Variants in SLAIN1 observed in about 807,000 individuals in gnomAD.
SLAIN1 encodes SLAIN family member 1, also known as SLAIN motif-containing protein 1.
A neutral mutation model predicts 55.4 loss-of-function variants in SLAIN1; 17 were observed. The ratio of observed to expected loss-of-function variants is 0.31; its 90% CI spans 0.21 to 0.46. The LOEUF (loss-of-function observed/expected upper bound fraction) is 0.46, where lower values mean the gene tolerates loss of function less well. Among genes scored for constraint, SLAIN1 ranks in the 20% least tolerant of loss-of-function variants. SLAIN1 has a pLI of 1.00. For synonymous variants in SLAIN1, 348 were observed against 337.4 expected, an observed-to-expected ratio of 1.03 and a Z score of -0.35; for missense variants, 682 against 785.1, an observed-to-expected ratio of 0.87 and a Z score of 1.57.
At chr13:77,717,882 A>G (rs1487932608) in intron 1 of SLAIN1, among the ~76,000 whole-genome samples, 1 of 152,180 alleles carries the variant, frequency 6.6e-6, no homozygotes, top group Non-Finnish European at 1.5e-5. Flanking sequence ...GGCATGAGAC[A>G]TTGAGAATAA....
chr13:77,751,702 T>C (rs1874223439), intron 4 of SLAIN1, among the ~76,000 whole-genome samples: 1 of 152,166 alleles, frequency 6.6e-6, no homozygotes, highest in Admixed American at 6.6e-5. Context: ...CTTGAAGCCC[T>C]CATCTGGGCT....
At chr13:77,737,573 G>T in intron 2 of SLAIN1, among the ~76,000 whole-genome samples, 1 of 152,042 alleles carries the variant, frequency 6.6e-6, no homozygotes, top group African/African-American at 2.4e-5. Context: ...TAGTCCAAAC[G>T]TTTGCCATTC....
At position 77,705,350 on chromosome 13, in the gene SLAIN1, TAAAG is replaced by T. The variant is rs753352708; in HGVS notation, c.626+6815_626+6818del. Among the ~76,000 whole-genome samples, 4 of 152,050 alleles carry T rather than the reference TAAAG, an allele frequency of 2.6e-5. No homozygotes were observed. The East Asian group carries it at 7.7e-4, about 29-fold the overall frequency. ...GGTTTGGAAGCAATTTAAGAAAAGT[TAAAG>T]AAAATTAGAGTGACATTCCAAATAG... On this transcript the variant is annotated intron_variant, in intron 1 of 6. Transcript: ENST00000418532.
Position 77,746,628 on chromosome 13 carries a change from G to A in SLAIN1, c.1031G>A (p.Ser344Asn). 1.9e-6 allele frequency: 3 copies of A among 1,613,720 alleles called. No homozygotes were observed. The South Asian group carries it at 3.3e-5, about 18-fold the overall frequency. Residue 344 changes from serine (S) to asparagine (N), a missense_variant, in exon 4 of 7, where the codon AGT (serine) becomes AAT (asparagine). Ser to Asn is a conservative substitution (Grantham distance 46). Transcript: ENST00000418532. ...TCSDQEYDQY[S>N]LEDEEEFDHL... ...AGTGATCAAGAATATGACCAATACA[G>A]TCTGGAGGATGAAGAGGAATTTGAT...
chr13:77,727,384 A>T (rs1213552454), intron 2 of SLAIN1, among the ~76,000 whole-genome samples: 5 of 149,378 alleles, frequency 3.3e-5, no homozygotes, highest in East Asian at 2.0e-4. Flanking sequence ...TAAGTACTGA[A>T]TTTTTTTTGT....
chr13:77,762,059 C>T (rs1025847249), intron 6 of SLAIN1, among the ~76,000 whole-genome samples: 2 of 152,034 alleles, frequency 1.3e-5, no homozygotes, highest in Non-Finnish European at 2.9e-5. Flanking sequence ...AATAGATGCT[C>T]AGATCAACAA....
At chr13:77,751,632 A>T (rs1144381) in intron 4 of SLAIN1, among the ~76,000 whole-genome samples, 61,473 of 151,986 alleles carry the variant, frequency 0.4, 13,267 homozygotes, top group African/African-American at 0.54. Flanking sequence ...GAGAGAGTTC[A>T]CCCCTGTGGT....
chr13:77,717,063 G>C (rs2091215055), intron 1 of SLAIN1, among the ~76,000 whole-genome samples: 1 of 151,948 alleles, frequency 6.6e-6, no homozygotes, highest in Non-Finnish European at 1.5e-5. Flanking sequence ...TATCAGGAGT[G>C]GATGTCAAAT....
At chr13:77,756,812 C>T (rs1676221679) in intron 5 of SLAIN1, among the ~76,000 whole-genome samples, 1 of 152,000 alleles carries the variant, frequency 6.6e-6, no homozygotes, top group Non-Finnish European at 1.5e-5. Flanking sequence ...AAGTCTATTC[C>T]TAGGAAGCTC....
At chr13:77,711,849 C>A (rs2091154470) in intron 1 of SLAIN1, among the ~76,000 whole-genome samples, 1 of 152,144 alleles carries the variant, frequency 6.6e-6, no homozygotes, top group Admixed American at 6.5e-5. Context: ...AAATCGAATC[C>A]AACAGCACAT....
intron 4 of SLAIN1, among the ~76,000 whole-genome samples, chr13:77,752,313 C>T (rs1874283391): frequency 1.5e-5 from 2 of 131,412 alleles, no homozygotes; most frequent in African/African-American, 2.9e-5. Context: ...TTTTAAGAAG[C>T]ATGTAACTTA....
chr13:77,750,301 G>C (rs1874120120), intron 4 of SLAIN1, among the ~76,000 whole-genome samples: 1 of 152,150 alleles, frequency 6.6e-6, no homozygotes, highest in African/African-American at 2.4e-5. Context: ...ATAGTAAATA[G>C]TTGGAGAGAG....
chr13:77,702,537 G>C (rs1031333785), intron 1 of SLAIN1, among the ~76,000 whole-genome samples: 3 of 152,054 alleles, frequency 2.0e-5, no homozygotes, highest in Admixed American at 2.0e-4. Flanking sequence ...GTGGCAATGG[G>C]AGCCATTAGC....
At chr13:77,756,515 G>T (rs1164646341) in intron 5 of SLAIN1, among the ~76,000 whole-genome samples, 1 of 151,988 alleles carries the variant, frequency 6.6e-6, no homozygotes, top group East Asian at 1.9e-4. Context: ...CTACTAGTTT[G>T]CTGGTATTTT....
chr13:77,720,103 C>G (rs746850051), intron 2 of SLAIN1, among the ~76,000 whole-genome samples: 1 of 151,976 alleles, frequency 6.6e-6, no homozygotes, highest in African/African-American at 2.4e-5. Context: ...ACTGGAAGTG[C>G]TAACCTTTAA....
chr13:77,715,634 T>A (rs773998461), intron 1 of SLAIN1, among the ~76,000 whole-genome samples: 5 of 152,184 alleles, frequency 3.3e-5, no homozygotes, highest in Non-Finnish European at 7.4e-5. Context: ...GCCATTCCAA[T>A]AGGTATGTGG....
At chr13:77,748,790 T>A (rs1043328751) in intron 4 of SLAIN1, among the ~76,000 whole-genome samples, 2 of 152,164 alleles carry the variant, frequency 1.3e-5, no homozygotes, top group African/African-American at 2.4e-5. Flanking sequence ...GTCCAGTAGA[T>A]CCTGTGTTTC....
At chr13:77,762,943 A>C (rs1394178947) in intron 6 of SLAIN1, among the ~76,000 whole-genome samples, 1 of 152,178 alleles carries the variant, frequency 6.6e-6, no homozygotes, top group Admixed American at 6.5e-5. Flanking sequence ...CATGCATGAC[A>C]CTTTGCCATG....
chr13:77,727,766 G>T (rs1320472040), intron 2 of SLAIN1, among the ~76,000 whole-genome samples: 1 of 152,180 alleles, frequency 6.6e-6, no homozygotes, highest in African/African-American at 2.4e-5. Flanking sequence ...GCCTTGCCTA[G>T]TAAGTGGGGA....
Sources: allele counts gnomAD v4.1 joint callset (sites outside exome capture counted in the v4.1 genomes callset), GRCh38; gene constraint gnomAD v4.1.1; transcripts MANE v1.5; gene names NCBI Gene and HGNC (gene_info 2026-07-23, HGNC 2026-07-21).